TDRD6: variants seen among roughly 807,000 people sequenced by gnomAD.
TDRD6 encodes tudor domain containing 6.
In TDRD6, 186 loss-of-function variants were observed where a neutral mutation model predicts 157.5. The ratio of observed to expected loss-of-function variants is 1.18; its 90% CI spans 1.05 to 1.33. TDRD6 has a LOEUF of 1.33. TDRD6 is among the 40% of genes most tolerant of loss of function. The probability of loss-of-function intolerance (pLI) is 0.00; values close to 1 mark genes in which losing one functional copy is unlikely to be tolerated. For missense variants in TDRD6, 3,066 were observed against 2,508.0 expected, an observed-to-expected ratio of 1.22 and a Z score of -4.75; for synonymous variants, 1,075 against 945.2, an observed-to-expected ratio of 1.14 and a Z score of -2.52.
In TDRD6 at chr6:46,693,768, A is replaced by T. The variant is rs1764416644; in HGVS notation, c.5640A>T (p.Gln1880His). Residue 1880 changes from glutamine to histidine, a missense_variant, in exon 1 of 4, where the codon CAA becomes CAT. By Grantham distance (24) the Gln-to-His change is conservative. Transcript: ENST00000316081. ...SPVPPNVPLSQECVTKGAMEL... is the reference protein window; with the variant it reads ...SPVPPNVPLSHECVTKGAMEL... ...TGCCACCGAATGTGCCACTCTCCCA[A>T]GAGTGTGTCACAAAAGGCGCCATGG... The T allele has an allele frequency of 4.3e-6, 7 of 1,614,092 alleles. No individual in the cohort carries two copies. Among genetic ancestry groups the T allele is most frequent in the Non-Finnish European group, 5.1e-6 (6 of 1,180,034 alleles).
chr6:46,693,409 A>T lies in TDRD6; in HGVS notation c.5281A>T (p.Ile1761Phe). 1.9e-6 allele frequency: 3 copies of T among 1,614,044 alleles called. No homozygotes were observed. Among genetic ancestry groups the T allele is most frequent in the Non-Finnish European group, 2.5e-6 (3 of 1,180,010 alleles). Residue 1761 changes from isoleucine (I) to phenylalanine (F), a missense_variant, in exon 1 of 4, where the codon ATT becomes TTT. Coordinates refer to ENST00000316081, the MANE Select transcript of TDRD6 (RefSeq NM_001010870.3). ...AEITEKDVNI[I>F]GTKPSNFRDP... ...AATAACTGAAAAAGATGTAAACATT[A>T]TTGGAACCAAACCAAGTAACTTCCG...
At chr6:46,685,320 T>G (rs1764064656), upstream of TDRD6, among the ~76,000 whole-genome samples, 1 of 152,176 alleles carries the variant, frequency 6.6e-6, no homozygotes, top group African/African-American at 2.4e-5. Flanking sequence ...TCTAAGCAAC[T>G]TTAAACAAAG....
chr6:46,695,520 C>T (rs1317159712), intron 1 of TDRD6, among the ~76,000 whole-genome samples: 2 of 152,030 alleles, frequency 1.3e-5, no homozygotes, highest in Non-Finnish European at 2.9e-5. Flanking sequence ...GTATAAAAAA[C>T]ACCACTTGTC....
intron 3 of TDRD6, among the ~76,000 whole-genome samples, chr6:46,701,354 CAT>C (rs1764619713): frequency 6.6e-6 from 1 of 152,032 alleles, no homozygotes; most frequent in Non-Finnish European, 1.5e-5. Flanking sequence ...TTAATTAGCT[CAT>C]ATGTTCAAAT....
chr6:46,694,668 C>T (rs1764447724), intron 1 of TDRD6, among the ~76,000 whole-genome samples: 1 of 152,072 alleles, frequency 6.6e-6, no homozygotes, highest in Admixed American at 6.6e-5. Context: ...AAAATATGTG[C>T]TGGAAGAAAC....
rs746930354 is a variant in TDRD6, at chr6:46,693,706, C to G, written c.5578C>G (p.Leu1860Val). 2 of 1,614,170 alleles carry G rather than the reference C, an allele frequency of 1.2e-6. No individual in the cohort carries two copies. Among genetic ancestry groups the G allele is most frequent in the Non-Finnish European group, 8.5e-7 (1 of 1,180,040 alleles). ...ELESIELQNS[L>V]VVDEEKGELS... ...GGAATCTATTGAGTTACAGAATTCT[C>G]TGGTGGTGGATGAAGAAAAAGGGGA... Residue 1860 changes from leucine (L) to valine (V), a missense_variant, in exon 1 of 4, where the codon CTG becomes GTG. By Grantham distance (32) the Leu-to-Val change is conservative. Transcript: ENST00000316081.
chr6:46,695,214 T>C (rs936357584), intron 1 of TDRD6, among the ~76,000 whole-genome samples: 6 of 152,106 alleles, frequency 3.9e-5, no homozygotes, highest in Non-Finnish European at 8.8e-5. Flanking sequence ...CCATGATGTA[T>C]TTTCTTTTTG....
chr6:46,690,532 A>G lies in TDRD6; in HGVS notation c.2404A>G (p.Met802Val), dbSNP rs779075891. 5.0e-6 allele frequency: 8 copies of G among 1,614,174 alleles called. No homozygotes were observed. The highest frequency in any genetic ancestry group is 6.8e-6 in the Non-Finnish European group (8 of 1,180,028). The change falls in exon 1 of 4, where the codon ATG becomes GTG. Residue 802 changes from methionine (M) to valine (V), a missense_variant. Met to Val is a conservative substitution (Grantham distance 21, BLOSUM62 1). Coordinates refer to ENST00000316081, the MANE Select transcript of TDRD6 (RefSeq NM_001010870.3). ...GAACATACAAGGACTTAAAACTCTAATGTCTGATATTCAGTACTATTGCAA... is the reference window on the plus strand; with the variant it reads ...GAACATACAAGGACTTAAAACTCTAGTGTCTGATATTCAGTACTATTGCAA... The part of the protein sequence containing the change: ...TRNIQGLKTL[M>V]SDIQYYCKNT...
At chr6:46,682,766 A>G in the TDRD6 span, among the ~76,000 whole-genome samples, 1 of 151,974 alleles carries the variant, frequency 6.6e-6, no homozygotes, top group Non-Finnish European at 1.5e-5. Flanking sequence ...TTAGGGATAA[A>G]TCTAACAAAT....
upstream of TDRD6, among the ~76,000 whole-genome samples, chr6:46,683,522 G>T (rs542502359): frequency 1.3e-5 from 2 of 151,996 alleles, no homozygotes; most frequent in African/African-American, 4.8e-5. Flanking sequence ...TTCTTCAAAA[G>T]ACACTATTTA....
chr6:46,701,597 A>G (rs764469787), intron 3 of TDRD6, among the ~76,000 whole-genome samples: 8 of 152,198 alleles, frequency 5.3e-5, no homozygotes, highest in Non-Finnish European at 1.2e-4. Context: ...TGTTCACACC[A>G]TTCTCTAGCA....
Position 46,688,336 on chromosome 6 carries a change from G to C in TDRD6, c.208G>C (p.Gly70Arg). The change falls in exon 1 of 4, where the codon GGC becomes CGC. Residue 70 changes from glycine to arginine, a missense_variant. Transcript: ENST00000316081. ...WALGSASASPGELCLVQVGLL... is the reference protein window; with the variant it reads ...WALGSASASPRELCLVQVGLL... ...GCTGGGCAGCGCCTCGGCCTCGCCC[G>C]GCGAGCTGTGCCTGGTGCAGGTCGG... 1 of 1,526,874 alleles carries C rather than the reference G, an allele frequency of 6.5e-7. No individual in the cohort carries two copies. The highest frequency in any genetic ancestry group is 1.2e-5 in the South Asian group (1 of 83,332). The allele number at this position is 1,526,874 out of a possible 1,614,324, so 94.6% of individuals were successfully genotyped here.
chr6:46,689,266 G>C lies in TDRD6; in HGVS notation c.1138G>C (p.Gly380Arg). The C allele has an allele frequency of 6.2e-7, 1 of 1,614,164 alleles. No homozygotes were observed. Among genetic ancestry groups the C allele is most frequent in the African/African-American group, 1.3e-5 (1 of 75,054 alleles). Residue 380 changes from glycine to arginine, a missense_variant, in exon 1 of 4, where the codon GGA becomes CGA. Physicochemically the swap from Gly to Arg is moderately radical, Grantham distance 125. Coordinates refer to ENST00000316081, the MANE Select transcript of TDRD6 (RefSeq NM_001010870.3). ...GGTGACCTACCCTTGTGCTTTGTAT[G>C]GACTCTGGGACGGTGGGAGAGGCTG... ...PVVTYPCALY[G>R]LWDGGRGWSR...
At chr6:46,684,081 C>A (rs1764028038), upstream of TDRD6, among the ~76,000 whole-genome samples, 2 of 152,100 alleles carry the variant, frequency 1.3e-5, no homozygotes, top group Admixed American at 1.3e-4. Context: ...GGAGGCCAAT[C>A]CTGCTGTAAT....
rs1167037260 is a variant in TDRD6, at chr6:46,701,978, A to G, written c.*91A>G. ...ACCAACAGAGTATTTGAGAAAATTG[A>G]AAACATGTAACCACAAGAAGTTGTC... On this transcript the variant is annotated 3_prime_UTR_variant, in exon 4 of 4. Coordinates refer to ENST00000316081, the MANE Select transcript of TDRD6 (RefSeq NM_001010870.3). The G allele has an allele frequency of 1.0e-5, 15 of 1,441,110 alleles. No individual in the cohort carries two copies. The East Asian group carries it at 1.6e-4, about 15-fold the overall frequency. The allele number at this position is 1,441,110 out of a possible 1,614,324, so 89.3% of individuals were successfully genotyped here.
chr6:46,695,204 C>T (rs1303855170), intron 1 of TDRD6, among the ~76,000 whole-genome samples: 1 of 151,970 alleles, frequency 6.6e-6, no homozygotes, highest in Admixed American at 6.6e-5. Context: ...AATGTTAACA[C>T]CATGATGTAT....
In TDRD6 at chr6:46,689,043, G is replaced by A. The variant is rs781452965; in HGVS notation, c.915G>A (p.Glu305=). The change falls in exon 1 of 4, where the codon GAG becomes GAA. Residue 305 remains glutamate (E), a synonymous_variant. Coordinates refer to ENST00000316081, the MANE Select transcript of TDRD6 (RefSeq NM_001010870.3). ...DENSTSATWE[E]REESPDKPGS... is the part of the protein sequence containing the mutation. ...ACTCTACCAGTGCCACCTGGGAGGA[G>A]AGGGAGGAGAGCCCAGATAAGCCGG... 4 of 1,613,946 alleles carry A rather than the reference G, an allele frequency of 2.5e-6. No homozygotes were observed. The South Asian group carries it at 4.4e-5, about 18-fold the overall frequency.
In TDRD6 at chr6:46,689,862, G is replaced by C. The variant is rs1764252668; in HGVS notation, c.1734G>C (p.Val578=). 3 of 1,614,210 alleles carry C rather than the reference G, an allele frequency of 1.9e-6. No homozygotes were observed. Among genetic ancestry groups the C allele is most frequent in the Non-Finnish European group, 2.5e-6 (3 of 1,180,046 alleles). The change falls in exon 1 of 4, where the codon GTG becomes GTC. Residue 578 remains valine (V), a synonymous_variant. Coordinates refer to ENST00000316081, the MANE Select transcript of TDRD6 (RefSeq NM_001010870.3). ...FLVDRGNSEN[V]DWYDVRMLLP... ...TTGACCGAGGCAATTCGGAAAATGT[G>C]GACTGGTATGACGTAAGGATGCTGC...
the TDRD6 span, chr6:46,681,672 A>G: frequency 2.3e-6 from 1 of 432,988 alleles, no homozygotes; most frequent in Non-Finnish European, 4.9e-6. Flanking sequence ...TCTGATTTTA[A>G]AAGTAAATAT....
Sources: gnomAD v4.1 joint callset for allele counts (sites outside exome capture counted in the v4.1 genomes callset) on GRCh38, gnomAD v4.1.1 for gene constraint, MANE v1.5 for transcripts, NCBI Gene and HGNC (gene_info 2026-07-23, HGNC 2026-07-21) for gene names.